Variants in ARFGAP1 observed in about 807,000 individuals in gnomAD.
The protein encoded by ARFGAP1 is ARF GTPase activating protein 1.
In ARFGAP1, 26 loss-of-function variants were observed where a neutral mutation model predicts 54.0. The observed-to-expected ratio is 0.48, with a 90% confidence interval of 0.35 to 0.67. The LOEUF (loss-of-function observed/expected upper bound fraction) is 0.67, where lower values mean the gene tolerates loss of function less well. Ranked by LOEUF, ARFGAP1 falls within the 30% of genes least tolerant of loss-of-function variation. The pLI, the probability that ARFGAP1 is intolerant of heterozygous loss-of-function variation, is 0.00. For synonymous variants in ARFGAP1, 248 were observed against 211.9 expected, an observed-to-expected ratio of 1.17 and a Z score of -1.48; for missense variants, 525 against 535.8, an observed-to-expected ratio of 0.98 and a Z score of 0.20.
intron 9 of ARFGAP1, chr20:63,283,626 T>A (rs572581207): frequency 2.1e-6 from 1 of 480,848 alleles, no homozygotes; most frequent in East Asian, 3.4e-5. Flanking sequence ...TCTGGCTTTT[T>A]CGTGGGCCTC....
intron 5 of ARFGAP1, 125 bp from the exon 6 acceptor site, chr20:63,277,992 C>T (rs2067276937): frequency 6.3e-6 from 5 of 795,142 alleles, no homozygotes; most frequent in Non-Finnish European, 1.0e-5. Flanking sequence ...ACCCTGGCCT[C>T]AGGTGCTCTC....
rs781667931 is a variant in ARFGAP1 at position 63,287,624 on chromosome 20, A to G, written c.972A>G (p.Ile324Met). ...SGLDHFQNSN[I>M]DQSFWETFGS... is the part of the protein sequence containing the mutation. Reference sequence around the variant, plus strand: ...TGGACCACTTCCAAAACAGCAACATAGACCAGAGCTTCTGGGAGACCTTTG... The same window carrying G: ...TGGACCACTTCCAAAACAGCAACATGGACCAGAGCTTCTGGGAGACCTTTG... The change falls in exon 13 of 13, where the codon ATA (isoleucine) becomes ATG (methionine). Residue 324 changes from isoleucine to methionine, a missense_variant. Physicochemically the swap from Ile to Met is conservative, Grantham distance 10. Coordinates refer to ENST00000370283, the MANE Select transcript of ARFGAP1 (RefSeq NM_018209.4). 1.2e-6 allele frequency: 2 copies of G among 1,612,470 alleles called. No individual in the cohort carries two copies.
In ARFGAP1 at chr20:63,288,525, A is replaced by G. The variant is rs564833646; in HGVS notation, c.*652A>G. 4 of 455,982 alleles carry G rather than the reference A, an allele frequency of 8.8e-6. No homozygotes were observed. The highest frequency in any genetic ancestry group is 4.6e-5 in the South Asian group (3 of 64,548). 28.2% of individuals were successfully genotyped at this position (455,982 alleles called of 1,614,324 possible). ...ACCAGGTTCACCAGACACGGCCTCC[A>G]CAATAGCCACACCCACACCTGAGCT... On this transcript the variant is annotated 3_prime_UTR_variant, in exon 13 of 13. Coordinates refer to ENST00000370283, the MANE Select transcript of ARFGAP1 (RefSeq NM_018209.4).
At chr20:63,280,796 C>A (rs1368869192) in intron 7 of ARFGAP1, among the ~76,000 whole-genome samples, 1 of 152,246 alleles carries the variant, frequency 6.6e-6, no homozygotes, top group African/African-American at 2.4e-5. Flanking sequence ...CTTTGCACTT[C>A]CTTTAGGAGG....
intron 5 of ARFGAP1, 43 bp downstream of exon 5, chr20:63,277,348 C>T (rs1427790950): frequency 2.6e-6 from 4 of 1,518,894 alleles, no homozygotes; most frequent in Admixed American, 1.9e-5. Context: ...TCCACTGGGT[C>T]CTGAACTTAG....
intron 8 of ARFGAP1, 32 bp downstream of exon 8, chr20:63,281,379 C>A: frequency 1.3e-6 from 2 of 1,575,728 alleles, no homozygotes; most frequent in Non-Finnish European, 8.6e-7. Flanking sequence ...GCCACCGTCC[C>A]CACCAGGCCC....
At chr20:63,279,100 C>A in intron 7 of ARFGAP1, 105 bp downstream of exon 7, 7 of 1,175,604 alleles carry the variant, frequency 6.0e-6, no homozygotes, top group Non-Finnish European at 8.7e-6. Context: ...GTGCTCTTTG[C>A]CTTGTTCTGA....
chr20:63,279,861 AG>A (rs1286381408), intron 7 of ARFGAP1, among the ~76,000 whole-genome samples: 2 of 152,160 alleles, frequency 1.3e-5, no homozygotes, highest in Non-Finnish European at 2.9e-5. Context: ...TGATTTTTGT[AG>A]GTGTGATGGC....
At chr20:63,286,593 G>T in intron 12 of ARFGAP1, 151 bp downstream of exon 12, 1 of 766,942 alleles carries the variant, frequency 1.3e-6, no homozygotes, top group Non-Finnish European at 2.1e-6. Flanking sequence ...CCTTGCTGGG[G>T]AGGGGGCACT....
intron 9 of ARFGAP1, chr20:63,283,196 T>C: frequency 2.4e-6 from 1 of 421,348 alleles, no homozygotes; most frequent in South Asian, 2.8e-5. Context: ...GAAGGGCCGC[T>C]GTGGTTGGTG....
rs1453682208 is a variant in ARFGAP1 at position 63,275,656 on chromosome 20, C to G, written c.60+16C>G. The G allele has an allele frequency of 1.9e-6, 3 of 1,611,646 alleles. No individual in the cohort carries two copies. On this transcript the variant is annotated intron_variant, in intron 2 of 12. Coordinates refer to ENST00000370283, the MANE Select transcript of ARFGAP1 (RefSeq NM_018209.4). Reference sequence around the variant, plus strand: ...TGAGAACAACGTAAGCCTCTGCCCCCCACCCCCCGCCCTAAGGCTTGGTCA... The same window carrying G: ...TGAGAACAACGTAAGCCTCTGCCCCGCACCCCCCGCCCTAAGGCTTGGTCA...
chr20:63,287,765 C>T lies in ARFGAP1; in HGVS notation c.1113C>T (p.Ser371=), dbSNP rs2067600585. The change falls in exon 13 of 13, where the codon TCC becomes TCT. Residue 371 remains serine, a synonymous_variant. Coordinates refer to ENST00000370283, the MANE Select transcript of ARFGAP1 (RefSeq NM_018209.4). ...SDSWEVWGSA[S]TNRNSNSDGG... Reference sequence around the variant, plus strand: ...GCTGGGAGGTGTGGGGCTCGGCCTCCACCAACAGGAACAGCAACAGCGACG... The same window carrying T: ...GCTGGGAGGTGTGGGGCTCGGCCTCTACCAACAGGAACAGCAACAGCGACG... 1 of 1,609,684 alleles carries T rather than the reference C, an allele frequency of 6.2e-7. No individual in the cohort carries two copies. The highest frequency in any genetic ancestry group is 8.5e-7 in the Non-Finnish European group (1 of 1,178,808).
rs1424136919 is a variant in ARFGAP1 at position 63,285,687 on chromosome 20, A to C, written c.808A>C (p.Ser270Arg). The C allele has an allele frequency of 1.9e-6, 3 of 1,613,518 alleles. No homozygotes were observed. In the East Asian group the frequency reaches 6.7e-5, roughly 36 times the overall value. ...GGGAAAGATTTTTGATGATGTCTCC[A>C]GTGGGGTCTCTCAGTTGGCGTCCAA... is the stretch of plus-strand genomic sequence containing the variant. ...KEGKIFDDVS[S>R]GVSQLASKVQ... Residue 270 changes from serine (S) to arginine (R), a missense_variant, in exon 11 of 13, where the codon AGT becomes CGT. Transcript: ENST00000370283.
In ARFGAP1 at chr20:63,278,111, T is replaced by C. The variant is rs372551399; in HGVS notation, c.444-6T>C. Reference sequence around the variant, plus strand: ...GGCCTTACCAGCCTTCGATTCTCGGTTTCAGAGTCTCTGGCCAGCCGCAGA... The same window carrying C: ...GGCCTTACCAGCCTTCGATTCTCGGCTTCAGAGTCTCTGGCCAGCCGCAGA... On this transcript the variant is annotated splice_polypyrimidine_tract_variant and splice_region_variant and intron_variant, in intron 5 of 12. Transcript: ENST00000370283. The C allele has an allele frequency of 1.1e-4, 170 of 1,613,384 alleles. No individual in the cohort carries two copies. Among genetic ancestry groups the C allele is most frequent in the Non-Finnish European group, 1.4e-4 (165 of 1,179,828 alleles).
intron 9 of ARFGAP1, chr20:63,284,576 A>ACCAGC: frequency 7.8e-7 from 1 of 1,289,572 alleles, no homozygotes; most frequent in South Asian, 1.6e-5. Flanking sequence ...GCCTGTTCCC[A>ACCAGC]CCAGCCCGGC....
In ARFGAP1 at chr20:63,278,918, G is replaced by A. The variant is rs2273499; in HGVS notation, c.550G>A (p.Val184Met). 1,351 of 1,614,170 alleles carry A rather than the reference G, an allele frequency of 8.4e-4. 17 individuals carry two copies. The Admixed American group carries it at 0.019, about 23-fold the overall frequency. Residue 184 changes from valine (V) to methionine (M), a missense_variant, in exon 7 of 13, where the codon GTG becomes ATG. Transcript: ENST00000370283. ...SYQGAQGNRY[V>M]GFGNTPPPQK... is the part of the protein sequence containing the mutation. ...TTTCAGGGCCCAGGGGAATCGCTAC[G>A]TGGGGTTTGGGAACACGCCACCGCC... is the stretch of plus-strand genomic sequence containing the variant.
intron 9 of ARFGAP1, 178 bp downstream of exon 9, chr20:63,283,029 GC>G (rs1568739015): frequency 3.0e-6 from 2 of 677,440 alleles, no homozygotes; most frequent in East Asian, 5.5e-5. Flanking sequence ...TGCCCGGGTG[GC>G]TGCCTCATGG....
At chr20:63,277,418 G>A (rs2067262688) in intron 5 of ARFGAP1, 113 bp downstream of exon 5, 3 of 918,798 alleles carry the variant, frequency 3.3e-6, no homozygotes, top group Non-Finnish European at 4.6e-6. Flanking sequence ...TCTTTTCCCA[G>A]AAGTCAGTGG....
rs1421416361 is a variant in ARFGAP1, at chr20:63,278,130, C to G, written c.457C>G (p.Pro153Ala). Reference sequence around the variant, plus strand: ...TCTCGGTTTCAGAGTCTCTGGCCAGCCGCAGAGTGTGACCGCCTCCTCGGA... The same window carrying G: ...TCTCGGTTTCAGAGTCTCTGGCCAGGCGCAGAGTGTGACCGCCTCCTCGGA... ...PSMVHRVSGQ[P>A]QSVTASSDKA... The change falls in exon 6 of 13, where the codon CCG becomes GCG. Residue 153 changes from proline to alanine, a missense_variant. Coordinates refer to ENST00000370283, the MANE Select transcript of ARFGAP1 (RefSeq NM_018209.4). 2.5e-6 allele frequency: 4 copies of G among 1,613,668 alleles called. No individual in the cohort carries two copies.
Sources: gnomAD v4.1 joint callset for allele counts (sites outside exome capture counted in the v4.1 genomes callset) on GRCh38, gnomAD v4.1.1 for gene constraint, MANE v1.5 for transcripts, NCBI Gene and HGNC (gene_info 2026-07-23, HGNC 2026-07-21) for gene names.